Variants in AP3D1 observed in about 807,000 individuals in gnomAD.
AP3D1 encodes adaptor related protein complex 3 subunit delta 1, also known as AP-3 complex subunit delta-1.
A neutral mutation model predicts 147.6 loss-of-function variants in AP3D1; 51 were observed. That is an observed-to-expected ratio of 0.35 (90% CI 0.28 to 0.44). AP3D1 has a LOEUF of 0.44. Ranked by LOEUF, AP3D1 falls within the 20% of genes least tolerant of loss-of-function variation. The pLI is 1.00. For missense variants in AP3D1, 1,421 were observed against 1,624.2 expected, an observed-to-expected ratio of 0.87 and a Z score of 2.15; for synonymous variants, 760 against 663.0, an observed-to-expected ratio of 1.15 and a Z score of -2.25.
chr19:2,147,575 G>GA (rs571068306), intron 1 of AP3D1, among the ~76,000 whole-genome samples: 43 of 137,292 alleles, frequency 3.1e-4, no homozygotes, highest in South Asian at 6.9e-4. Context: ...ACAAGAAGAA[G>GA]AAAAAAAAAA....
Position 2,130,448 on chromosome 19 carries a change from G to A in AP3D1, c.552C>T (p.Ala184=), listed in dbSNP as rs754847197. The part of the protein sequence containing the change: ...FLKYPESLRP[A]FPRLKEKLED... ...CCAGCTTCTCCTTCAGCCGGGGAAA[G>A]GCAGGGCGCAGCGACTCGGGGTACT... Residue 184 remains alanine (A), a synonymous_variant, in exon 6 of 32, where the codon GCC becomes GCT. Transcript: ENST00000643116. 1.9e-6 allele frequency: 3 copies of A among 1,614,082 alleles called. No homozygotes were observed. The highest frequency in any genetic ancestry group is 2.5e-6 in the Non-Finnish European group (3 of 1,180,018).
chr19:2,117,113 C>T (rs2145049656), intron 16 of AP3D1, 109 bp downstream of exon 16: 1 of 1,394,456 alleles, frequency 7.2e-7, no homozygotes, highest in Non-Finnish European at 9.6e-7. Context: ...TCCAATCAGC[C>T]CCACACCCTC....
rs2018412499 is a variant in AP3D1 at position 2,115,310 on chromosome 19, C to A, written c.2258G>T (p.Gly753Val). The A allele has an allele frequency of 1.2e-6, 2 of 1,612,086 alleles. No individual in the cohort carries two copies. The highest frequency in any genetic ancestry group is 1.1e-5 in the South Asian group (1 of 91,086). ...RKKRKEKEKK[G>V]KRRHSSLPTE... ...GGGCAGCGAGCTGTGGCGGCGCTTG[C>A]CCTTCTTCTCCTTCTCCTTCCTCTT... The change falls in exon 20 of 32, where the codon GGC becomes GTC. Residue 753 changes from glycine to valine, a missense_variant. Gly to Val is a moderately radical substitution (Grantham distance 109). Transcript: ENST00000643116.
chr19:2,123,212 G>T, intron 11 of AP3D1, 146 bp downstream of exon 11: 1 of 831,118 alleles, frequency 1.2e-6, no homozygotes, highest in Non-Finnish European at 1.9e-6. Flanking sequence ...ACTGGCAGAG[G>T]GCTGCCTCTG....
intron 1 of AP3D1, among the ~76,000 whole-genome samples, chr19:2,159,164 A>G (rs2144603755): frequency 1.4e-5 from 2 of 139,848 alleles, no homozygotes; most frequent in Middle Eastern, 8.5e-3. Flanking sequence ...TAATTTTTTT[A>G]TTTTTAGTAG....
At position 2,121,028 on chromosome 19, in the gene AP3D1, C is replaced by T. The variant is rs753553792; in HGVS notation, c.1315G>A (p.Ala439Thr). Reference sequence around the variant, plus strand: ...CGGATGGCCACGTCCAGCATTTGGGCGGCGATGAGGTGGCCGTGCCGTGTG... The same window carrying T: ...CGGATGGCCACGTCCAGCATTTGGGTGGCGATGAGGTGGCCGTGCCGTGTG... ...EGTRHGHLIA[A>T]QMLDVAIRVK... is the part of the protein sequence containing the mutation. The change falls in exon 14 of 32, where the codon GCC (alanine) becomes ACC (threonine). Residue 439 changes from alanine (A) to threonine (T), a missense_variant. Physicochemically the swap from Ala to Thr is moderately conservative, Grantham distance 58 (BLOSUM62 0). Around this residue, in one of 6 missense-constraint regions of AP3D1, gnomAD observed 310 missense variants for 388.1 expected, o/e 0.80. Coordinates refer to ENST00000643116, the MANE Select transcript of AP3D1 (RefSeq NM_001261826.3). 7.3e-5 allele frequency: 117 copies of T among 1,612,412 alleles called. No individual in the cohort carries two copies. The highest frequency in any genetic ancestry group is 9.3e-5 in the Non-Finnish European group (110 of 1,179,982).
intron 31 of AP3D1, among the ~76,000 whole-genome samples, chr19:2,103,021 G>A (rs1031321076): frequency 6.6e-6 from 1 of 152,134 alleles, no homozygotes; most frequent in Non-Finnish European, 1.5e-5. Flanking sequence ...CTATGCGGGA[G>A]GCTGAGGCGG....
chr19:2,114,901 G>A, intron 20 of AP3D1, 80 bp from the exon 21 acceptor site: 1 of 1,479,562 alleles, frequency 6.8e-7, no homozygotes, highest in Non-Finnish European at 9.4e-7. Context: ...GACGCAGTGG[G>A]ACTGCCCATG....
chr19:2,160,170 T>C (rs545519176), intron 1 of AP3D1, among the ~76,000 whole-genome samples: 1 of 152,200 alleles, frequency 6.6e-6, no homozygotes, highest in East Asian at 1.9e-4. Flanking sequence ...GCAAAGGCAG[T>C]TTCAAACCTG....
At chr19:2,110,999 G>A (rs1370351598) in intron 26 of AP3D1, 103 bp from the exon 27 acceptor site, 25 of 1,280,958 alleles carry the variant, frequency 2.0e-5, no homozygotes, top group East Asian at 2.5e-5. Flanking sequence ...GGGTCCCACA[G>A]GCACAGGAAG....
chr19:2,146,577 C>G (rs1222152647), intron 1 of AP3D1, among the ~76,000 whole-genome samples: 1 of 143,566 alleles, frequency 7.0e-6, no homozygotes, highest in Non-Finnish European at 1.5e-5. Context: ...GCATTCCAGC[C>G]TGGGTGACAG....
chr19:2,124,760 G>A (rs932092845), intron 9 of AP3D1, among the ~76,000 whole-genome samples: 8 of 152,176 alleles, frequency 5.3e-5, no homozygotes, highest in African/African-American at 1.7e-4. Context: ...GACCAACATG[G>A]AGAAACTCTG....
chr19:2,137,986 G>A (rs1387392513), intron 2 of AP3D1, among the ~76,000 whole-genome samples, 179 bp from the exon 3 acceptor site: 2 of 152,144 alleles, frequency 1.3e-5, no homozygotes, highest in Non-Finnish European at 2.9e-5. Flanking sequence ...AAACGACTCT[G>A]ACATTTAAAA....
intron 9 of AP3D1, among the ~76,000 whole-genome samples, chr19:2,125,661 T>C (rs2018733720): frequency 6.6e-6 from 1 of 152,152 alleles, no homozygotes; most frequent in African/African-American, 2.4e-5. Flanking sequence ...AATTTTTTTT[T>C]CTTAAAATAG....
intron 14 of AP3D1, among the ~76,000 whole-genome samples, chr19:2,119,883 A>C (rs537250415): frequency 6.6e-6 from 1 of 152,162 alleles, no homozygotes; most frequent in East Asian, 1.9e-4. Context: ...CAGAAGTTGC[A>C]GTGAGCCGAG....
intron 29 of AP3D1, chr19:2,109,646 G>A (rs2018209822): frequency 3.6e-6 from 2 of 557,246 alleles, no homozygotes; most frequent in Non-Finnish European, 3.2e-6. Context: ...GGACTTCCAG[G>A]GGCCTGGACC....
intron 1 of AP3D1, among the ~76,000 whole-genome samples, chr19:2,150,342 G>A (rs1163390884): frequency 1.3e-5 from 2 of 152,182 alleles, no homozygotes; most frequent in Non-Finnish European, 2.9e-5. Context: ...AGGGCTGCAC[G>A]GGTATCCTTA....
Position 2,121,249 on chromosome 19 carries a change from C to T in AP3D1, c.1164G>A (p.Glu388=). 6.2e-7 allele frequency: 1 copy of T among 1,614,214 alleles called. No homozygotes were observed. Among genetic ancestry groups the T allele is most frequent in the Non-Finnish European group, 8.5e-7 (1 of 1,180,024 alleles). ...KKLMTHVDKA[E]GTTYRDELLT... Reference sequence around the variant, plus strand: ...GCAGCTCGTCACGGTAGGTGGTACCCTCTGCCTTGTCTACGTGGGTCATCA... The same window carrying T: ...GCAGCTCGTCACGGTAGGTGGTACCTTCTGCCTTGTCTACGTGGGTCATCA... Residue 388 remains glutamate (E), a synonymous_variant, in exon 13 of 32, where the codon GAG becomes GAA. Coordinates refer to ENST00000643116, the MANE Select transcript of AP3D1 (RefSeq NM_001261826.3).
chr19:2,136,921 T>C lies in AP3D1; in HGVS notation c.354+90A>G. 3 of 1,236,362 alleles carry C rather than the reference T, an allele frequency of 2.4e-6. No homozygotes were observed. In the South Asian group the frequency reaches 3.9e-5, roughly 16 times the overall value. 76.6% of individuals were successfully genotyped at this position (1,236,362 alleles called of 1,614,324 possible). A position where few individuals can be genotyped will look rare whatever the true frequency, so the allele number is the denominator to read the frequency against. ...ACTCAAGGGGGCCACAGGCACCTGC[T>C]GCCCACAGGAAGACGCGTGTGGGAA... is the stretch of plus-strand genomic sequence containing the variant. On this transcript the variant is annotated intron_variant, in intron 4 of 31. Coordinates refer to ENST00000643116, the MANE Select transcript of AP3D1 (RefSeq NM_001261826.3).
Sources: allele counts gnomAD v4.1 joint callset (sites outside exome capture counted in the v4.1 genomes callset), GRCh38; gene constraint gnomAD v4.1.1; regional missense constraint gnomAD v4.1.1; transcripts MANE v1.5; gene names NCBI Gene and HGNC (gene_info 2026-07-23, HGNC 2026-07-21).